ZNF407: variants seen among roughly 807,000 people sequenced by gnomAD.
The protein encoded by ZNF407 is zinc finger protein 407.
A neutral mutation model predicts 131.2 loss-of-function variants in ZNF407; 17 were observed. That is an observed-to-expected ratio of 0.13 (90% CI 0.09 to 0.19). The LOEUF (loss-of-function observed/expected upper bound fraction) is 0.19, where lower values mean the gene tolerates loss of function less well. Ranked by LOEUF, ZNF407 falls within the 10% of genes least tolerant of loss-of-function variation. The probability of loss-of-function intolerance (pLI) is 1.00; values close to 1 mark genes in which losing one functional copy is unlikely to be tolerated. For missense variants in ZNF407, 2,681 were observed against 2,830.6 expected, an observed-to-expected ratio of 0.95 and a Z score of 1.20; for synonymous variants, 1,156 against 1,062.0, an observed-to-expected ratio of 1.09 and a Z score of -1.72.
chr18:74,762,720 C>T (rs1969124353), intron 3 of ZNF407, among the ~76,000 whole-genome samples: 2 of 151,570 alleles, frequency 1.3e-5, no homozygotes, highest in Admixed American at 1.3e-4. Flanking sequence ...TTAAAATCAT[C>T]ATAGCTGCTT....
rs562357239 is a variant in ZNF407 at position 74,724,909 on chromosome 18, C to T, written c.4803-56519C>T. On this transcript the variant is annotated intron_variant, in intron 3 of 8. Coordinates refer to ENST00000299687, the MANE Select transcript of ZNF407 (RefSeq NM_017757.3). Reference sequence around the variant, plus strand: ...TAATGTTTAAAGTTGTTATTACACACAATTAAAATGCTTCTCAGAAAATTT... The same window carrying T: ...TAATGTTTAAAGTTGTTATTACACATAATTAAAATGCTTCTCAGAAAATTT... Among the ~76,000 whole-genome samples the T allele has an allele frequency of 4.6e-5, 7 of 152,286 alleles. No individual in the cohort carries two copies. The East Asian group carries it at 1.3e-3, about 29-fold the overall frequency.
chr18:74,851,500 GT>G (rs904231769), intron 4 of ZNF407, among the ~76,000 whole-genome samples: 20 of 152,178 alleles, frequency 1.3e-4, no homozygotes, highest in African/African-American at 4.6e-4. Flanking sequence ...AAACTTGGGA[GT>G]ATGGCCACCT....
At position 75,042,160 on chromosome 18, in the gene ZNF407, C is replaced by T. The variant is rs989718761; in HGVS notation, c.5429-20990C>T. ...CAGTGGTCCTCCCACCTTGGCCTCC[C>T]AAAGTGCTGGGATCATGGGTATGAA... On this transcript the variant is annotated intron_variant, in intron 8 of 8. Transcript: ENST00000299687. Among the ~76,000 whole-genome samples the T allele has an allele frequency of 9.2e-5, 14 of 152,032 alleles. No individual in the cohort carries two copies. In the East Asian group the frequency reaches 2.1e-3, roughly 23 times the overall value.
intron 3 of ZNF407, among the ~76,000 whole-genome samples, chr18:74,684,338 A>T (rs981739561): frequency 2.0e-5 from 3 of 152,268 alleles, no homozygotes; most frequent in East Asian, 1.9e-4. Context: ...ACATTTTTTT[A>T]AAAATTTAAT....
intron 4 of ZNF407, among the ~76,000 whole-genome samples, chr18:74,792,563 A>C (rs1293915737): frequency 6.6e-6 from 1 of 151,464 alleles, no homozygotes. Context: ...ATGATAATAA[A>C]ATATCGAACA....
Position 75,063,254 on chromosome 18 carries a change from G to A in ZNF407, c.5533G>A (p.Val1845Ile), listed in dbSNP as rs112538866. ...TAAALAEEPL[V>I]KEKPLRSSRR... ...GGCGGCCTTGGCAGAAGAGCCCCTC[G>A]TCAAGGAGAAGCCCCTCAGAAGCAG... Residue 1845 changes from valine to isoleucine, a missense_variant, in exon 9 of 9, where the codon GTC (valine) becomes ATC (isoleucine). Val to Ile is a conservative substitution (Grantham distance 29). This residue lies in a region of ZNF407 where 620 missense variants were observed against 583.1 expected (regional missense o/e 1.06). Coordinates refer to ENST00000299687, the MANE Select transcript of ZNF407 (RefSeq NM_017757.3). The surrounding 1 kb of genome is among the most constrained non-coding windows in gnomAD (Gnocchi z 6.6). The A allele has an allele frequency of 2.9e-5, 47 of 1,613,606 alleles. No individual in the cohort carries two copies. Among genetic ancestry groups the A allele is most frequent in the African/African-American group, 1.7e-4 (13 of 75,038 alleles).
At chr18:74,839,253 A>G (rs1433940393) in intron 4 of ZNF407, among the ~76,000 whole-genome samples, 2 of 152,218 alleles carry the variant, frequency 1.3e-5, no homozygotes, top group African/African-American at 2.4e-5. Context: ...ATTACTTACT[A>G]TTAGAGGAAC....
At chr18:74,881,241 G>A (rs12953433) in intron 6 of ZNF407, 122 bp downstream of exon 6, 250,126 of 787,666 alleles carry the variant, frequency 0.32, 39,949 homozygotes, top group South Asian at 0.41. Context: ...TGCACTTGAA[G>A]GTCTACAGAT....
intron 3 of ZNF407, among the ~76,000 whole-genome samples, chr18:74,768,396 CAG>C (rs964264333): frequency 1.3e-5 from 2 of 152,182 alleles, no homozygotes; most frequent in African/African-American, 4.8e-5. Context: ...CATAAAATAT[CAG>C]GGAAGAAATT....
At chr18:74,700,211 G>A (rs1293562181) in intron 3 of ZNF407, among the ~76,000 whole-genome samples, 2 of 152,130 alleles carry the variant, frequency 1.3e-5, no homozygotes, top group African/African-American at 4.8e-5. Flanking sequence ...TTATCGCAGA[G>A]GGAGGGTCCA....
In ZNF407 at chr18:74,918,479, C is replaced by T. The variant is rs189783316; in HGVS notation, c.5250-2035C>T. On this transcript the variant is annotated intron_variant, in intron 7 of 8. Transcript: ENST00000299687. ...ACCTGGCATACATTAGGTGCTTACT[C>T]TTTTATTTCCTCTTACAGTGATTGT... Among the ~76,000 whole-genome samples, 335 of 152,292 alleles carry T rather than the reference C, an allele frequency of 2.2e-3. 1 individual carries two copies. The highest frequency in any genetic ancestry group is 8.0e-3 in the Admixed American group (123 of 15,300).
At chr18:74,916,633 TG>T (rs1971771742) in intron 7 of ZNF407, among the ~76,000 whole-genome samples, 1 of 111,330 alleles carries the variant, frequency 9.0e-6, no homozygotes, top group Non-Finnish European at 1.7e-5. Context: ...ATCGGGAGTG[TG>T]TGTGTGTGTG....
At chr18:74,938,880 G>A (rs1486481745) in intron 8 of ZNF407, among the ~76,000 whole-genome samples, 1 of 152,228 alleles carries the variant, frequency 6.6e-6, no homozygotes, top group Non-Finnish European at 1.5e-5. Flanking sequence ...GCCTGTGTTT[G>A]CAGGAAGCAA....
intron 6 of ZNF407, among the ~76,000 whole-genome samples, chr18:74,882,910 T>G (rs530986218): frequency 6.6e-6 from 1 of 152,364 alleles, no homozygotes; most frequent in South Asian, 2.1e-4. Context: ...TGTTACTGTT[T>G]AAATGCCATT....
chr18:74,639,616 A>G (rs1416610015), intron 2 of ZNF407, among the ~76,000 whole-genome samples: 2 of 152,214 alleles, frequency 1.3e-5, no homozygotes, highest in African/African-American at 4.8e-5. Flanking sequence ...ACTAGATACA[A>G]CCATTCAGGT....
At chr18:75,000,232 A>G (rs1279460642) in intron 8 of ZNF407, among the ~76,000 whole-genome samples, 1 of 152,178 alleles carries the variant, frequency 6.6e-6, no homozygotes, top group Non-Finnish European at 1.5e-5. Context: ...GCTCATTTGT[A>G]CCTTTTGAGT....
chr18:74,785,812 TACATGGCATGCACATGTCACTC>T (rs1479182082), intron 4 of ZNF407, among the ~76,000 whole-genome samples: 1 of 148,436 alleles, frequency 6.7e-6, no homozygotes, highest in African/African-American at 2.4e-5. Context: ...ACACAGCATG[TACATGGCATGCACATGTCACTC>T]ACATGGCATG....
intron 7 of ZNF407, among the ~76,000 whole-genome samples, chr18:74,901,792 A>G (rs1971528669): frequency 6.6e-6 from 1 of 152,216 alleles, no homozygotes; most frequent in Non-Finnish European, 1.5e-5. Context: ...ACTTGCTTTA[A>G]CTACACATGC....
chr18:74,908,102 G>T (rs1047641564), intron 7 of ZNF407, among the ~76,000 whole-genome samples: 1 of 152,016 alleles, frequency 6.6e-6, no homozygotes, highest in South Asian at 2.1e-4. Flanking sequence ...TTTGGAATCC[G>T]TATTAATCAC....
Sources: gnomAD v4.1 joint callset for allele counts (sites outside exome capture counted in the v4.1 genomes callset) on GRCh38, gnomAD v4.1.1 for gene constraint, gnomAD v4.1.1 regional missense constraint, Gnocchi (gnomAD v3.1) non-coding constraint, MANE v1.5 for transcripts, NCBI Gene and HGNC (gene_info 2026-07-23, HGNC 2026-07-21) for gene names.